Variants in MTG1 observed in about 807,000 individuals in gnomAD.
MTG1 encodes the protein mitochondrial ribosome associated GTPase 1, also known as mitochondrial ribosome-associated GTPase 1.
Under a neutral mutation model 39.5 loss-of-function variants are expected in MTG1, and 30 were observed. That is an observed-to-expected ratio of 0.76 (90% CI 0.57 to 1.03). The LOEUF is 1.03. Among genes scored for constraint, MTG1 ranks in the 50% least tolerant of loss-of-function variants. MTG1 has a pLI of 0.00. For missense variants in MTG1, 513 were observed against 447.4 expected (o/e 1.15, Z -1.32); for synonymous variants, 217 against 179.0 (o/e 1.21, Z -1.69).
rs1192731614 is a variant in MTG1 at position 133,395,722 on chromosome 10, AGAT to A, written c.124_126del (p.Met42del). On this transcript the variant is annotated inframe_deletion, in exon 2 of 11. Coordinates refer to ENST00000317502, the MANE Select transcript of MTG1 (RefSeq NM_138384.4). ...TCCTTCTGTTTTCCAGGGCTGAAGAAGATGCAGAGCAGCCTGAAGCTGGTGGAC... is the reference window on the plus strand; with the variant it reads ...TCCTTCTGTTTTCCAGGGCTGAAGAAGCAGAGCAGCCTGAAGCTGGTGGAC... 6.2e-7 allele frequency: 1 copy of A among 1,614,104 alleles called. No homozygotes were observed. Among genetic ancestry groups the A allele is most frequent in the Non-Finnish European group, 8.5e-7 (1 of 1,179,992 alleles).
chr10:133,419,354 G>T (rs923338586), intron 9 of MTG1, 126 bp from the exon 10 acceptor site: 1 of 696,140 alleles, frequency 1.4e-6, no homozygotes, highest in Non-Finnish European at 2.4e-6. Flanking sequence ...CAGCGCCGCA[G>T]TCACTGTCAC....
At chr10:133,408,566 A>G (rs1321931205) in intron 9 of MTG1, among the ~76,000 whole-genome samples, 1 of 152,180 alleles carries the variant, frequency 6.6e-6, no homozygotes, top group African/African-American at 2.4e-5. Flanking sequence ...AATGCCATAT[A>G]CAGTGACTTT....
chr10:133,416,425 T>G (rs898684327), intron 9 of MTG1, among the ~76,000 whole-genome samples: 1 of 151,538 alleles, frequency 6.6e-6, no homozygotes, highest in Non-Finnish European at 1.5e-5. Flanking sequence ...TATTATACTT[T>G]AAGTTTTAGG....
At chr10:133,399,662 G>A (rs375482885) in intron 6 of MTG1, 43 bp downstream of exon 6, 134 of 1,594,566 alleles carry the variant, frequency 8.4e-5, no homozygotes, top group Middle Eastern at 1.7e-4. Context: ...AGGTACTGGC[G>A]CGTGTGGCTG....
Position 133,420,889 on chromosome 10 carries a change from G to A in MTG1, c.*724G>A, listed in dbSNP as rs1329151. ...GGCCTCTGAGCACCTTCTAGCTCAC[G>A]GGTAGTGGGATTCTGCATTAGTGGG... On this transcript the variant is annotated 3_prime_UTR_variant, in exon 11 of 11. Transcript: ENST00000317502. The A allele has an allele frequency of 6.6e-6, 1 of 152,282 alleles. No individual in the cohort carries two copies. The highest frequency in any genetic ancestry group is 2.4e-5 in the African/African-American group (1 of 41,446). The allele number at this position is 152,282 out of a possible 1,614,324, so 9.4% of individuals were successfully genotyped here.
chr10:133,419,880 G>T (rs2133520558), intron 10 of MTG1, 146 bp from the exon 11 acceptor site: 1 of 1,018,186 alleles, frequency 9.8e-7, no homozygotes. Flanking sequence ...CGTAGCTCAA[G>T]CTGTTTTCTT....
At chr10:133,406,913 T>A (rs7895975) in intron 9 of MTG1, among the ~76,000 whole-genome samples, 10,449 of 152,286 alleles carry the variant, frequency 0.069, 666 homozygotes, top group Admixed American at 0.2. Context: ...TCCACCTGCC[T>A]TGGCCTGTAA....
chr10:133,419,730 C>T lies in MTG1; in HGVS notation c.865+138C>T, dbSNP rs745726580. The T allele has an allele frequency of 9.1e-6, 7 of 769,502 alleles. No homozygotes were observed. The East Asian group carries it at 1.3e-4, about 15-fold the overall frequency. The allele number at this position is 769,502 out of a possible 1,614,324, so 47.7% of individuals were successfully genotyped here. On this transcript the variant is annotated intron_variant, in intron 10 of 10. Coordinates refer to ENST00000317502, the MANE Select transcript of MTG1 (RefSeq NM_138384.4). ...GGTCTTCTGGGAATGGGTTTCAGGG[C>T]AGGGGAGCTACAGAAAGTTCTGGAG...
At chr10:133,395,161 C>T (rs1186728122) in intron 1 of MTG1, among the ~76,000 whole-genome samples, 2 of 152,086 alleles carry the variant, frequency 1.3e-5, no homozygotes, top group Non-Finnish European at 2.9e-5. Flanking sequence ...TTTGGGAGGC[C>T]GAGGTGGGCA....
chr10:133,418,258 T>G (rs1850166153), intron 9 of MTG1, among the ~76,000 whole-genome samples: 1 of 152,238 alleles, frequency 6.6e-6, no homozygotes. Context: ...CCGTCCACCT[T>G]GGCCTCCCAA....
chr10:133,404,686 A>G (rs569258108), intron 9 of MTG1, among the ~76,000 whole-genome samples: 1 of 152,302 alleles, frequency 6.6e-6, no homozygotes, highest in East Asian at 1.9e-4. Context: ...TTTTACATTT[A>G]GGGCTATGAT....
intron 10 of MTG1, 66 bp downstream of exon 10, chr10:133,419,658 C>T: frequency 7.5e-7 from 1 of 1,332,352 alleles, no homozygotes; most frequent in South Asian, 1.3e-5. Context: ...CCCGGCCATC[C>T]CTGGAGGAGG....
intron 9 of MTG1, among the ~76,000 whole-genome samples, chr10:133,406,593 G>A (rs1036529899): frequency 6.6e-6 from 1 of 151,238 alleles, no homozygotes; most frequent in Non-Finnish European, 1.5e-5. Flanking sequence ...ATCTGGCCCA[G>A]ACCAATTTCC....
At chr10:133,397,692 A>T (rs1043951906) in intron 3 of MTG1, among the ~76,000 whole-genome samples, 1 of 150,958 alleles carries the variant, frequency 6.6e-6, no homozygotes, top group Non-Finnish European at 1.5e-5. Context: ...GTTAGCCAGG[A>T]TGGTCTCAAT....
chr10:133,403,767 C>CT (rs1204074233), intron 9 of MTG1, among the ~76,000 whole-genome samples: 3 of 100,612 alleles, frequency 3.0e-5, no homozygotes, highest in Non-Finnish European at 6.6e-5. Flanking sequence ...TAGATCCGGG[C>CT]TTTCGTTTCC....
chr10:133,417,474 G>A (rs1382940206), intron 9 of MTG1, among the ~76,000 whole-genome samples: 1 of 150,128 alleles, frequency 6.7e-6, no homozygotes, highest in African/African-American at 2.4e-5. Flanking sequence ...GCACAAGACA[G>A]GGATGCCCTC....
At chr10:133,403,586 G>A (rs1849919677) in intron 9 of MTG1, among the ~76,000 whole-genome samples, 1 of 152,226 alleles carries the variant, frequency 6.6e-6, no homozygotes, top group African/African-American at 2.4e-5. Context: ...TGATCCCCGT[G>A]TGTCGTCGTG....
chr10:133,419,640 TG>T, intron 10 of MTG1, 48 bp downstream of exon 10: 1 of 1,489,040 alleles, frequency 6.7e-7, no homozygotes. Flanking sequence ...CCCATCACCC[TG>T]GGGGACCCCG....
intron 9 of MTG1, among the ~76,000 whole-genome samples, chr10:133,410,273 T>C (rs542213539): frequency 6.6e-6 from 1 of 152,162 alleles, no homozygotes; most frequent in African/African-American, 2.4e-5. Context: ...CTGAGGCTGG[T>C]CTTGAACTCT....
Sources: gnomAD v4.1 joint callset for allele counts (sites outside exome capture counted in the v4.1 genomes callset) on GRCh38, gnomAD v4.1.1 for gene constraint, MANE v1.5 for transcripts, NCBI Gene and HGNC (gene_info 2026-07-23, HGNC 2026-07-21) for gene names.